The following CCSER1 variants were observed in gnomAD, a reference collection of about 807,000 sequenced individuals.
CCSER1 encodes the protein coiled-coil serine rich protein 1, also known as serine-rich coiled-coil domain-containing protein 1.
CCSER1 carries 41 observed loss-of-function variants against 82.0 expected under a neutral mutation model. The observed-to-expected ratio is 0.50, with a 90% confidence interval of 0.39 to 0.65. The LOEUF is 0.65. Ranked by LOEUF, CCSER1 falls within the 30% of genes least tolerant of loss-of-function variation. The probability of loss-of-function intolerance (pLI) is 0.00; values close to 1 mark genes in which losing one functional copy is unlikely to be tolerated. For missense variants in CCSER1, 1,119 were observed against 1,064.2 expected (o/e 1.05, Z -0.72); for synonymous variants, 414 against 383.9 (o/e 1.08, Z -0.92).
intron 5 of CCSER1, among the ~76,000 whole-genome samples, chr4:90,588,992 A>G (rs1782362432): frequency 6.6e-6 from 1 of 152,194 alleles, no homozygotes; most frequent in Admixed American, 6.5e-5. Context: ...ACATCATAGT[A>G]TTCCAGTGTA....
chr4:91,264,765 T>C (rs564762165), intron 10 of CCSER1, among the ~76,000 whole-genome samples: 12 of 152,160 alleles, frequency 7.9e-5, no homozygotes, highest in South Asian at 4.1e-4. Context: ...AGTATGGCTA[T>C]AGACTAAAAA....
intron 10 of CCSER1, among the ~76,000 whole-genome samples, chr4:91,235,115 T>C (rs1738904895): frequency 6.6e-6 from 1 of 152,026 alleles, no homozygotes; most frequent in Non-Finnish European, 1.5e-5. Flanking sequence ...GAACAATATA[T>C]AGTACAGAGA....
intron 10 of CCSER1, among the ~76,000 whole-genome samples, chr4:91,158,677 G>A (rs536962093): frequency 1.3e-5 from 2 of 151,564 alleles, no homozygotes; most frequent in African/African-American, 4.8e-5. Context: ...AAACGTGCAG[G>A]CAAACGCACA....
intron 7 of CCSER1, among the ~76,000 whole-genome samples, chr4:90,801,088 G>A (rs1377918): frequency 0.34 from 51,608 of 151,784 alleles, 8,971 homozygotes; most frequent in African/African-American, 0.42. Context: ...CTAACAAATT[G>A]GAAATGACAA....
rs535463631 is a variant in CCSER1 at position 91,264,759 on chromosome 4, T to C, written c.2217+178765T>C. ...GAGATCAGGTGCATTCAGGGTAGTA[T>C]GGCTATAGACTAAAAAGATTTCTTA... On this transcript the variant is annotated intron_variant, in intron 10 of 10. Coordinates refer to ENST00000509176, the MANE Select transcript of CCSER1 (RefSeq NM_001145065.2). Among the ~76,000 whole-genome samples the C allele has an allele frequency of 7.2e-5, 11 of 152,010 alleles. No individual in the cohort carries two copies. The South Asian group carries it at 2.1e-3, about 29-fold the overall frequency.
chr4:91,217,395 G>A (rs1246743482), intron 10 of CCSER1, among the ~76,000 whole-genome samples: 1 of 152,178 alleles, frequency 6.6e-6, no homozygotes, highest in Non-Finnish European at 1.5e-5. Flanking sequence ...CTCCCCATCA[G>A]ATTAGTTAGA....
At chr4:90,913,540 C>T (rs914781730) in intron 8 of CCSER1, among the ~76,000 whole-genome samples, 4 of 152,002 alleles carry the variant, frequency 2.6e-5, no homozygotes, top group African/African-American at 7.3e-5. Flanking sequence ...CAAAAAGATG[C>T]CAAAATGTAA....
intron 10 of CCSER1, among the ~76,000 whole-genome samples, chr4:91,506,086 A>G (rs577649797): frequency 6.6e-6 from 1 of 152,258 alleles, no homozygotes; most frequent in South Asian, 2.1e-4. Context: ...TTAAGTCTTT[A>G]ATTCATCTTG....
At chr4:91,445,512 T>C (rs1755498303) in intron 10 of CCSER1, among the ~76,000 whole-genome samples, 1 of 151,866 alleles carries the variant, frequency 6.6e-6, no homozygotes, top group Admixed American at 6.6e-5. Context: ...ATAAGAGAAA[T>C]GTTGACAGTA....
At chr4:91,289,548 AG>A (rs769184929) in intron 10 of CCSER1, among the ~76,000 whole-genome samples, 2 of 152,086 alleles carry the variant, frequency 1.3e-5, no homozygotes, top group Non-Finnish European at 2.9e-5. Flanking sequence ...ATTCATTAAA[AG>A]CTCAGTAACA....
At chr4:90,756,593 C>G (rs1580327491) in intron 7 of CCSER1, among the ~76,000 whole-genome samples, 2 of 152,248 alleles carry the variant, frequency 1.3e-5, no homozygotes, top group East Asian at 3.9e-4. Context: ...AGCCTTGTGT[C>G]ATATGCCAAA....
intron 10 of CCSER1, among the ~76,000 whole-genome samples, chr4:91,187,576 A>G (rs755051559): frequency 5.3e-5 from 8 of 151,118 alleles, no homozygotes; most frequent in Non-Finnish European, 1.0e-4. Flanking sequence ...TTTGAGACGG[A>G]GTTTTGCTCT....
intron 7 of CCSER1, among the ~76,000 whole-genome samples, chr4:90,769,062 T>G (rs1751683098): frequency 6.6e-6 from 1 of 152,152 alleles, no homozygotes; most frequent in African/African-American, 2.4e-5. Context: ...TCAGAAAGAT[T>G]AAAGCTGGTG....
rs139200666 is a variant in CCSER1, at chr4:91,574,364, A to C, written c.2218-24208A>C. Among the ~76,000 whole-genome samples the C allele has an allele frequency of 3.0e-4, 45 of 152,234 alleles. No individual in the cohort carries two copies. The East Asian group carries it at 8.3e-3, about 28-fold the overall frequency. On this transcript the variant is annotated intron_variant, in intron 10 of 10. Transcript: ENST00000509176. ...ACATTTCTCAAGAACTTAAAACAGA[A>C]CTACCATTTGACCCAGCAATCCCAT...
rs113564714 is a variant in CCSER1 at position 90,557,618 on chromosome 4, C to T, written c.1725-70407C>T. Among the ~76,000 whole-genome samples the T allele has an allele frequency of 7.5e-3, 1,147 of 152,166 alleles. 18 individuals are homozygous for T. The highest frequency in any genetic ancestry group is 0.022 in the African/African-American group (929 of 41,542). ...AACTACTTTGCAATAAATACCACTA[C>T]TGACTTTGTAGACATTTTCTTAAGG... On this transcript the variant is annotated intron_variant, in intron 5 of 10. Transcript: ENST00000509176.
chr4:91,338,322 T>C (rs929581701), intron 10 of CCSER1, among the ~76,000 whole-genome samples: 1 of 152,062 alleles, frequency 6.6e-6, no homozygotes, highest in African/African-American at 2.4e-5. Flanking sequence ...GAGAAGAATA[T>C]AGCAACATAC....
chr4:90,561,147 C>T (rs1169450636), intron 5 of CCSER1, among the ~76,000 whole-genome samples: 1 of 152,174 alleles, frequency 6.6e-6, no homozygotes, highest in Non-Finnish European at 1.5e-5. Context: ...TTATGCCTCA[C>T]CTTCATAGAT....
intron 10 of CCSER1, among the ~76,000 whole-genome samples, chr4:91,271,493 C>A (rs1742019134): frequency 6.6e-6 from 1 of 152,110 alleles, no homozygotes; most frequent in Non-Finnish European, 1.5e-5. Context: ...GCTTAGCTCC[C>A]ACTTATGAGT....
intron 6 of CCSER1, among the ~76,000 whole-genome samples, chr4:90,641,483 G>T (rs888925288): frequency 2.0e-5 from 3 of 151,916 alleles, no homozygotes; most frequent in African/African-American, 7.3e-5. Flanking sequence ...ATGTATACAT[G>T]TTTTCTTATG....
Sources: gnomAD v4.1 joint callset for allele counts (sites outside exome capture counted in the v4.1 genomes callset) on GRCh38, gnomAD v4.1.1 for gene constraint, MANE v1.5 for transcripts, NCBI Gene and HGNC (gene_info 2026-07-23, HGNC 2026-07-21) for gene names.